RIT2: variants seen among roughly 807,000 people sequenced by gnomAD.
The protein encoded by RIT2 is Ras like without CAAX 2.
A neutral mutation model predicts 23.7 loss-of-function variants in RIT2; 24 were observed. That is an observed-to-expected ratio of 1.01 (90% CI 0.73 to 1.43). RIT2 has a LOEUF of 1.43. Among genes scored for constraint, RIT2 ranks in the 40% most tolerant of loss-of-function variants. The pLI is 0.00. For missense variants in RIT2, 236 were observed against 266.9 expected, an observed-to-expected ratio of 0.88 and a Z score of 0.81; for synonymous variants, 107 against 91.1, an observed-to-expected ratio of 1.17 and a Z score of -0.99.
intron 4 of RIT2, among the ~76,000 whole-genome samples, chr18:42,840,763 A>G (rs1764054010): frequency 6.6e-6 from 1 of 152,214 alleles, no homozygotes; most frequent in Non-Finnish European, 1.5e-5. Context: ...GGCCTCCCAA[A>G]GTGCTGGGGT....
At position 43,030,094 on chromosome 18, in the gene RIT2, AT is replaced by A; in HGVS notation, c.160+3716del. 2.0e-5 allele frequency among the ~76,000 whole-genome samples: 3 copies of A among 152,088 alleles called. No individual in the cohort carries two copies. The South Asian group carries it at 6.2e-4, about 31-fold the overall frequency. On this transcript the variant is annotated intron_variant, in intron 2 of 4. Transcript: ENST00000326695. ...TATTTAGGTCTGGGATACACTAGTA[AT>A]AACATATTGGGCATTTTTAACCTTT...
intron 1 of RIT2, among the ~76,000 whole-genome samples, chr18:43,077,858 G>C (rs4441359): frequency 0.09 from 13,689 of 152,034 alleles, 699 homozygotes; most frequent in East Asian, 0.18. Context: ...ATTTTTTTAG[G>C]ACATTGAATT....
At chr18:43,004,615 C>T (rs1911186099) in intron 2 of RIT2, among the ~76,000 whole-genome samples, 1 of 151,758 alleles carries the variant, frequency 6.6e-6, no homozygotes, top group South Asian at 2.1e-4. Context: ...CTGAGCTTTG[C>T]TCCTATACTA....
chr18:42,743,781 A>G, intron 4 of RIT2, 61 bp from the exon 5 acceptor site: 5 of 1,276,046 alleles, frequency 3.9e-6, no homozygotes, highest in Middle Eastern at 2.4e-4. Context: ...AATTAAAAAT[A>G]CGTTCTCTAC....
At chr18:43,011,199 T>C (rs9947315) in intron 2 of RIT2, among the ~76,000 whole-genome samples, 144,928 of 151,834 alleles carry the variant, frequency 0.95, 69,523 homozygotes, top group East Asian at 1. Flanking sequence ...CCAGATCCAG[T>C]GTGGTGGTGT....
At chr18:42,941,482 G>T (rs1356454174) in intron 3 of RIT2, among the ~76,000 whole-genome samples, 1 of 152,046 alleles carries the variant, frequency 6.6e-6, no homozygotes, top group Non-Finnish European at 1.5e-5. Context: ...GATACAATGT[G>T]AAATGGTTGA....
At chr18:42,969,578 T>C (rs930865103) in intron 3 of RIT2, among the ~76,000 whole-genome samples, 1 of 151,876 alleles carries the variant, frequency 6.6e-6, no homozygotes, top group East Asian at 1.9e-4. Flanking sequence ...AAACTACAAC[T>C]GTTTCCCATT....
intron 4 of RIT2, among the ~76,000 whole-genome samples, chr18:42,761,204 A>T (rs1341943790): frequency 6.6e-6 from 1 of 151,924 alleles, no homozygotes; most frequent in East Asian, 1.9e-4. Context: ...ATCCTGTTTT[A>T]TCCCTTTAGC....
intron 3 of RIT2, among the ~76,000 whole-genome samples, chr18:42,927,206 T>C (rs1156882089): frequency 6.6e-6 from 1 of 151,976 alleles, no homozygotes; most frequent in East Asian, 1.9e-4. Flanking sequence ...GTAAGCTTAA[T>C]CAGAAAAGTA....
At chr18:42,828,018 AAAAAAAAAAG>A (rs1906351331) in intron 4 of RIT2, among the ~76,000 whole-genome samples, 1 of 151,200 alleles carries the variant, frequency 6.6e-6, no homozygotes, top group Non-Finnish European at 1.5e-5. Flanking sequence ...AAAAAAAAAA[AAAAAAAAAAG>A]AAAAATGTAA....
chr18:43,098,738 C>T (rs867652745), intron 1 of RIT2, among the ~76,000 whole-genome samples: 3 of 152,126 alleles, frequency 2.0e-5, no homozygotes, highest in Middle Eastern at 6.8e-3. Context: ...GGCCACTGTA[C>T]TATCAACCCC....
At chr18:42,935,073 A>T (rs944241056) in intron 3 of RIT2, among the ~76,000 whole-genome samples, 4 of 152,170 alleles carry the variant, frequency 2.6e-5, no homozygotes, top group Non-Finnish European at 5.9e-5. Flanking sequence ...GTCTGTGGGT[A>T]GTGATCAGGG....
chr18:42,808,923 C>A (rs1156659505), intron 4 of RIT2, among the ~76,000 whole-genome samples: 1 of 152,028 alleles, frequency 6.6e-6, no homozygotes, highest in African/African-American at 2.4e-5. Flanking sequence ...TCAAGCTTTA[C>A]AGTAAAGATC....
intron 4 of RIT2, among the ~76,000 whole-genome samples, chr18:42,909,877 CTTCAT>C (rs1193102213): frequency 1.3e-5 from 2 of 151,972 alleles, no homozygotes; most frequent in Non-Finnish European, 2.9e-5. Context: ...TAAGACCATC[CTTCAT>C]TTCATGAGTT....
intron 4 of RIT2, among the ~76,000 whole-genome samples, chr18:42,746,605 A>G (rs896829864): frequency 3.3e-5 from 5 of 152,066 alleles, no homozygotes; most frequent in Non-Finnish European, 5.9e-5. Context: ...AAAGTTGACA[A>G]AATAAAATCC....
intron 1 of RIT2, among the ~76,000 whole-genome samples, chr18:43,107,755 T>A (rs1297942367): frequency 1.3e-5 from 2 of 152,182 alleles, no homozygotes; most frequent in Admixed American, 1.3e-4. Flanking sequence ...TCAGAGCTCC[T>A]CATGCCACTC....
chr18:42,957,774 A>G, intron 3 of RIT2, among the ~76,000 whole-genome samples: 1 of 152,140 alleles, frequency 6.6e-6, no homozygotes, highest in East Asian at 1.9e-4. Flanking sequence ...ACAGAGTGAG[A>G]CTTCTTCTCA....
chr18:43,101,799 A>C (rs965546509), intron 1 of RIT2, among the ~76,000 whole-genome samples: 1 of 152,220 alleles, frequency 6.6e-6, no homozygotes, highest in African/African-American at 2.4e-5. Context: ...TTTTAAGGGC[A>C]GAAAAAATAT....
chr18:42,994,236 T>C (rs1170297520), intron 2 of RIT2, among the ~76,000 whole-genome samples: 1 of 152,192 alleles, frequency 6.6e-6, no homozygotes, highest in East Asian at 1.9e-4. Flanking sequence ...TGGGCTGTAC[T>C]GCCACAAGGC....
Sources: allele counts gnomAD v4.1 joint callset (sites outside exome capture counted in the v4.1 genomes callset), GRCh38; gene constraint gnomAD v4.1.1; transcripts MANE v1.5; gene names NCBI Gene and HGNC (gene_info 2026-07-23, HGNC 2026-07-21).